The following ZNF775 variants were observed in gnomAD, a reference collection of about 807,000 sequenced individuals.
ZNF775 encodes the protein zinc finger protein 775.
Under a neutral mutation model 2.4 loss-of-function variants are expected in ZNF775, and 1 was observed. That is an observed-to-expected ratio of 0.41 (90% CI 0.15 to 1.94). ZNF775 has a LOEUF of 1.94. Ranked by LOEUF, ZNF775 falls within the 30% of genes most tolerant of loss-of-function variation. The pLI is 0.30. For missense variants in ZNF775, 823 were observed against 826.6 expected, an observed-to-expected ratio of 1.00 and a Z score of 0.05; for synonymous variants, 381 against 373.3, an observed-to-expected ratio of 1.02 and a Z score of -0.24.
intron 1 of ZNF775, among the ~76,000 whole-genome samples, chr7:150,385,870 G>T (rs968043850): frequency 1.3e-5 from 2 of 152,204 alleles, no homozygotes; most frequent in Non-Finnish European, 2.9e-5. Flanking sequence ...GGAGGCAGGG[G>T]TGATGTCTTC....
At chr7:150,390,120 AT>A (rs200251744) in intron 2 of ZNF775, among the ~76,000 whole-genome samples, 1,946 of 152,152 alleles carry the variant, frequency 0.013, 38 homozygotes, top group African/African-American at 0.045. Flanking sequence ...AACCTAAAAC[AT>A]GATCCTTTTC....
chr7:150,391,360 T>G (rs1271267241), intron 2 of ZNF775, among the ~76,000 whole-genome samples: 1 of 151,964 alleles, frequency 6.6e-6, no homozygotes, highest in East Asian at 1.9e-4. Flanking sequence ...ATACAAAACT[T>G]AGCTGGGTGT....
rs1217897786 is a variant in ZNF775, at chr7:150,398,206, G to A, written c.*111G>A. 1.7e-5 allele frequency: 24 copies of A among 1,451,828 alleles called. No individual in the cohort carries two copies. In the African/African-American group the frequency reaches 2.9e-4, roughly 17 times the overall value. 89.9% of individuals were successfully genotyped at this position (1,451,828 alleles called of 1,614,324 possible). A position where few individuals can be genotyped will look rare whatever the true frequency, so the allele number is the denominator to read the frequency against. ...TCTTAGAACCCCTTAGAGCGGGACC[G>A]GTGGATTCCTTAAGGCTCTGAAGGG... On this transcript the variant is annotated 3_prime_UTR_variant, in exon 3 of 3. Transcript: ENST00000329630.
intron 1 of ZNF775, 68 bp from the exon 2 acceptor site, chr7:150,388,354 C>A: frequency 7.9e-7 from 1 of 1,258,138 alleles, no homozygotes; most frequent in Non-Finnish European, 1.1e-6. Context: ...GGGAGGGGGG[C>A]TGGGGACCCT....
At chr7:150,391,003 GA>G (rs1800549644) in intron 2 of ZNF775, among the ~76,000 whole-genome samples, 2 of 152,220 alleles carry the variant, frequency 1.3e-5, no homozygotes, top group South Asian at 4.1e-4. Flanking sequence ...TTGTTGGTAT[GA>G]GGGGTTGAAA....
intron 2 of ZNF775, among the ~76,000 whole-genome samples, chr7:150,396,070 G>T (rs1347586523): frequency 6.6e-6 from 1 of 152,152 alleles, no homozygotes; most frequent in Non-Finnish European, 1.5e-5. Context: ...CTTAGAAAAA[G>T]AATGGTATGT....
chr7:150,383,595 G>A (rs977604959), intron 1 of ZNF775, among the ~76,000 whole-genome samples: 3 of 152,154 alleles, frequency 2.0e-5, no homozygotes, highest in Admixed American at 6.5e-5. Context: ...GGCATGGGCT[G>A]GGACTGGAGA....
chr7:150,396,735 C>T lies in ZNF775; in HGVS notation c.254C>T (p.Ala85Val). Residue 85 changes from alanine (A) to valine (V), a missense_variant, in exon 3 of 3, where the codon GCA (alanine) becomes GTA (valine). Ala to Val is a moderately conservative substitution (Grantham distance 64). Transcript: ENST00000329630. ...APPTEQDAGLAGRAPGSASGP... is the reference protein window; with the variant it reads ...APPTEQDAGLVGRAPGSASGP... ...CCCACTGAGCAGGATGCGGGGCTGG[C>T]AGGCCGGGCTCCCGGGTCAGCCTCC... 1 of 1,590,954 alleles carries T rather than the reference C, an allele frequency of 6.3e-7. No individual in the cohort carries two copies. Among genetic ancestry groups the T allele is most frequent in the Non-Finnish European group, 8.6e-7 (1 of 1,169,208 alleles).
chr7:150,389,888 TGTGTGTGTGTGTGTGTGTGTGTGTGTG>T (rs1427240487), intron 2 of ZNF775, among the ~76,000 whole-genome samples: 1,371 of 27,276 alleles, frequency 0.05, 41 homozygotes, highest in African/African-American at 0.14. Context: ...TGTGTGTGTG[TGTGTGTGTGTGTGTGTGTGTGTGTGTG>T]TGTGTTATGG....
Position 150,396,842 on chromosome 7 carries a change from TC to T in ZNF775, c.364del (p.Leu122Ter), listed in dbSNP as rs1800667669. 6.2e-7 allele frequency: 1 copy of T among 1,602,282 alleles called. No individual in the cohort carries two copies. Among genetic ancestry groups the T allele is most frequent in the African/African-American group, 1.3e-5 (1 of 74,830 alleles). ...CGGGAAGAGGTTCAGCTGGTGGTCGTCCCTGAAGATCCACCAGCGCACCCAC... is the reference window on the plus strand; with the variant it reads ...CGGGAAGAGGTTCAGCTGGTGGTCGTCCTGAAGATCCACCAGCGCACCCAC... ...DCGKRFSWWS[S>X]LKIHQRTHTG... is the part of the protein sequence containing the mutation. On this transcript the variant is annotated frameshift_variant, in exon 3 of 3. Coordinates refer to ENST00000329630, the MANE Select transcript of ZNF775 (RefSeq NM_173680.4). LOFTEE classifies it low-confidence loss of function (END_TRUNC).
intron 2 of ZNF775, among the ~76,000 whole-genome samples, 190 bp downstream of exon 2, chr7:150,388,691 C>A (rs1800501522): frequency 6.6e-6 from 1 of 152,234 alleles, no homozygotes; most frequent in Non-Finnish European, 1.5e-5. Flanking sequence ...ATGACAGAGG[C>A]TGTGGGAGCT....
intron 1 of ZNF775, among the ~76,000 whole-genome samples, chr7:150,385,396 C>T (rs754980002): frequency 5.9e-5 from 9 of 152,156 alleles, no homozygotes; most frequent in Non-Finnish European, 8.8e-5. Flanking sequence ...GACAATCCCC[C>T]GAGCAACTGC....
At position 150,380,942 on chromosome 7, in the gene ZNF775, T is replaced by C. The variant is rs187311543; in HGVS notation, c.-50+1550T>C. Among the ~76,000 whole-genome samples, 679 of 152,354 alleles carry C rather than the reference T, an allele frequency of 4.5e-3. 7 individuals carry two copies. The highest frequency in any genetic ancestry group is 0.017 in the Middle Eastern group (5 of 294). On this transcript the variant is annotated intron_variant, in intron 1 of 2. Transcript: ENST00000329630. ...ATGATTGGAGGGCACAGCAGGTGCC[T>C]GAAGGGGTCCCTGCTCCATCTCACT...
chr7:150,397,564 C>G lies in ZNF775; in HGVS notation c.1083C>G (p.Pro361=). The change falls in exon 3 of 3, where the codon CCC becomes CCG. Residue 361 remains proline (P), a synonymous_variant. Transcript: ENST00000329630. ...TCAAGCACCTGCGCACGCACCTGCC[C>G]GGCGCCCAGGCTGCGCCCTGCCCCA... ...HLLKHLRTHL[P]GAQAAPCPSC... 2 of 1,515,988 alleles carry G rather than the reference C, an allele frequency of 1.3e-6. No individual in the cohort carries two copies. Among genetic ancestry groups the G allele is most frequent in the Non-Finnish European group, 8.8e-7 (1 of 1,139,484 alleles). 93.9% of individuals were successfully genotyped at this position (1,515,988 alleles called of 1,614,324 possible).
Position 150,397,762 on chromosome 7 carries a change from C to A in ZNF775, c.1281C>A (p.Asp427Glu), listed in dbSNP as rs749044561. The stretch of plus-strand genomic sequence containing the variant: ...CCCAACGGTCCCCGGGGGCCCGGGA[C>A]ACGCTGTGGGGCCGGGGACAAGCGG... ...RSSQRSPGAR[D>E]TLWGRGQAGL... The change falls in exon 3 of 3, where the codon GAC (aspartate) becomes GAA (glutamate). Residue 427 changes from aspartate to glutamate, a missense_variant. Transcript: ENST00000329630. The A allele has an allele frequency of 1.9e-5, 28 of 1,512,178 alleles. 1 individual carries two copies. The Middle Eastern group carries it at 5.3e-4, about 29-fold the overall frequency. 93.7% of individuals were successfully genotyped at this position (1,512,178 alleles called of 1,614,324 possible). A position where few individuals can be genotyped will look rare whatever the true frequency, so the allele number is the denominator to read the frequency against.
chr7:150,398,345 T>C lies in ZNF775; in HGVS notation c.*250T>C, dbSNP rs1800722843. The C allele has an allele frequency of 3.4e-6, 2 of 595,680 alleles. No homozygotes were observed. The highest frequency in any genetic ancestry group is 6.7e-5 in the Admixed American group (2 of 29,938). The allele number at this position is 595,680 out of a possible 1,614,324, so 36.9% of individuals were successfully genotyped here. A position where few individuals can be genotyped will look rare whatever the true frequency, so the allele number is the denominator to read the frequency against. ...GCGGGCCGGGATGTGACCACCCTCTTCAGAGGTTGGACCCCAGGCTTCAAG... is the reference window on the plus strand; with the variant it reads ...GCGGGCCGGGATGTGACCACCCTCTCCAGAGGTTGGACCCCAGGCTTCAAG... On this transcript the variant is annotated 3_prime_UTR_variant, in exon 3 of 3. Transcript: ENST00000329630.
rs1419130204 is a variant in ZNF775, at chr7:150,397,648, T to C, written c.1167T>C (p.Ala389=). ...TGCGCGCCCACCAGCGCGCCCACGC[T>C]GTCGCTGAGCCCGCCGTTCCGGCCG... ...AALRAHQRAH[A]VAEPAVPAGE... Residue 389 remains alanine (A), a synonymous_variant, in exon 3 of 3, where the codon GCT becomes GCC. Transcript: ENST00000329630. The C allele has an allele frequency of 1.1e-5, 14 of 1,324,258 alleles. No homozygotes were observed. The highest frequency in any genetic ancestry group is 1.3e-5 in the Non-Finnish European group (14 of 1,042,340). 82.0% of individuals were successfully genotyped at this position (1,324,258 alleles called of 1,614,324 possible).
Position 150,398,102 on chromosome 7 carries a change from G to A in ZNF775, c.*7G>A, listed in dbSNP as rs900404017. On this transcript the variant is annotated 3_prime_UTR_variant, in exon 3 of 3. Coordinates refer to ENST00000329630, the MANE Select transcript of ZNF775 (RefSeq NM_173680.4). ...CAAGGAGGAGGCGCGCTAGTGGACT[G>A]GACCTCAGCGGACCCGTGGTGGTGC... The A allele has an allele frequency of 6.5e-7, 1 of 1,541,214 alleles. No homozygotes were observed. The highest frequency in any genetic ancestry group is 8.7e-7 in the Non-Finnish European group (1 of 1,148,134).
chr7:150,384,429 G>C lies in ZNF775; in HGVS notation c.-49-3993G>C, dbSNP rs911320255. ...ATGTCAGGATGGTAGGTTAGGAGGGGCCCGCCATGCACAGAGCAGAGTGAA... is the reference window on the plus strand; with the variant it reads ...ATGTCAGGATGGTAGGTTAGGAGGGCCCCGCCATGCACAGAGCAGAGTGAA... On this transcript the variant is annotated intron_variant, in intron 1 of 2. Coordinates refer to ENST00000329630, the MANE Select transcript of ZNF775 (RefSeq NM_173680.4). This position sits in a 1 kb window ranked among gnomAD's most constrained non-coding sequence, Gnocchi z 4.1. Among the ~76,000 whole-genome samples the C allele has an allele frequency of 6.6e-6, 1 of 152,216 alleles. No individual in the cohort carries two copies. Among genetic ancestry groups the C allele is most frequent in the African/African-American group, 2.4e-5 (1 of 41,454 alleles).
Sources: gnomAD v4.1 joint callset for allele counts (sites outside exome capture counted in the v4.1 genomes callset) on GRCh38, gnomAD v4.1.1 for gene constraint, Gnocchi (gnomAD v3.1) non-coding constraint, MANE v1.5 for transcripts, NCBI Gene and HGNC (gene_info 2026-07-23, HGNC 2026-07-21) for gene names.